PAX6: variants seen among roughly 807,000 people sequenced by gnomAD.
PAX6 encodes paired box 6, also known as paired box protein Pax-6.
PAX6 carries 7 observed loss-of-function variants against 60.7 expected under a neutral mutation model. That is an observed-to-expected ratio of 0.12 (90% CI 0.07 to 0.22). The LOEUF (loss-of-function observed/expected upper bound fraction) is 0.22. Among genes scored for constraint, PAX6 ranks in the 10% least tolerant of loss-of-function variants. The pLI, the probability that PAX6 is intolerant of heterozygous loss-of-function variation, is 1.00. For synonymous variants in PAX6, 208 were observed against 201.2 expected, an observed-to-expected ratio of 1.03 and a Z score of -0.29; for missense variants, 355 against 555.2, an observed-to-expected ratio of 0.64 and a Z score of 3.62.
chr11:31,799,180 A>C (rs1952704011), intron 8 of PAX6, among the ~76,000 whole-genome samples: 1 of 152,036 alleles, frequency 6.6e-6, no homozygotes, highest in Admixed American at 6.5e-5. Context: ...AAAGTCAGGC[A>C]GGGATGGGGT....
At chr11:31,799,694 T>A (rs185693078) in intron 8 of PAX6, among the ~76,000 whole-genome samples, 10 of 152,208 alleles carry the variant, frequency 6.6e-5, no homozygotes, top group African/African-American at 2.4e-4. Flanking sequence ...GCGCCGGGCA[T>A]CCGGAGCCGG....
At chr11:31,796,448 T>G (rs1257315907) in intron 8 of PAX6, among the ~76,000 whole-genome samples, 1 of 130,356 alleles carries the variant, frequency 7.7e-6, no homozygotes, top group East Asian at 2.5e-4. Flanking sequence ...GGCGCCTCCG[T>G]GCTATTTAGG....
At chr11:31,798,031 A>G (rs1952215851) in intron 8 of PAX6, among the ~76,000 whole-genome samples, 1 of 152,114 alleles carries the variant, frequency 6.6e-6, no homozygotes, top group South Asian at 2.1e-4. Context: ...GCTGGGAAAT[A>G]AAATCATTCC....
In PAX6 at chr11:31,789,495, G is replaced by A. The variant is rs1006460882; in HGVS notation, c.*439C>T. 3.5e-6 allele frequency: 2 copies of A among 565,434 alleles called. No homozygotes were observed. Among genetic ancestry groups the A allele is most frequent in the Non-Finnish European group, 3.1e-6 (1 of 322,754 alleles). The allele number at this position is 565,434 out of a possible 1,614,324, so 35.0% of individuals were successfully genotyped here. A position where few individuals can be genotyped will look rare whatever the true frequency, so the allele number is the denominator to read the frequency against. On this transcript the variant is annotated 3_prime_UTR_variant, in exon 14 of 14. Transcript: ENST00000640368. Reference sequence around the variant, plus strand: ...CTTGGAACATCAGTCCATAAACTATGAACAGATGGGTAGAAGTATTCGATA... The same window carrying A: ...CTTGGAACATCAGTCCATAAACTATAAACAGATGGGTAGAAGTATTCGATA...
At chr11:31,817,949 A>G (rs1002633455), upstream of PAX6, 5 of 152,696 alleles carry the variant, frequency 3.3e-5, no homozygotes, top group Non-Finnish European at 7.3e-5. Flanking sequence ...TGTCAATGAT[A>G]AGAAAAGAGG....
chr11:31,793,441 C>T lies in PAX6; in HGVS notation c.1071G>A (p.Met357Ile). Residue 357 changes from methionine to isoleucine, a missense_variant, in exon 12 of 14, where the codon ATG becomes ATA. This residue lies in a region of PAX6 where 149 missense variants were observed against 191.9 expected (regional missense o/e 0.78). Coordinates refer to ENST00000640368, the MANE Select transcript of PAX6 (RefSeq NM_001368894.2). ...GGCCACCACCAGCCGCACTTACTTG[C>T]ATAGGCAGGTTATTTGCCATGGTGA... ...PSFTMANNLP[M>I]QPPVPSQTSS... The T allele has an allele frequency of 1.2e-6, 2 of 1,613,946 alleles. No individual in the cohort carries two copies. The highest frequency in any genetic ancestry group is 1.7e-6 in the Non-Finnish European group (2 of 1,179,794).
At position 31,798,092 on chromosome 11, in the gene PAX6, T is replaced by C. The variant is rs564243200; in HGVS notation, c.565+2599A>G. On this transcript the variant is annotated intron_variant, in intron 8 of 13. Transcript: ENST00000640368. ...GAGGCGGAAAACAAGCAAGAAAAGA[T>C]AGCAACCCGGTTGCGGCACCTTTTC... Among the ~76,000 whole-genome samples, 3 of 151,622 alleles carry C rather than the reference T, an allele frequency of 2.0e-5. No individual in the cohort carries two copies. The East Asian group carries it at 5.8e-4, about 30-fold the overall frequency.
intron 2 of PAX6, chr11:31,810,614 G>A (rs1282412289): frequency 8.5e-6 from 3 of 352,290 alleles, no homozygotes; most frequent in South Asian, 1.5e-4. Context: ...CGAGCCCTGC[G>A]CCGCTCCCGC....
In PAX6 at chr11:31,789,804, A is replaced by C; in HGVS notation, c.*130T>G. ...CTTCCCCAGTGGTACAATACAGGAC[A>C]CAATTGTAGAACTGAAGCGGCTCTA... On this transcript the variant is annotated 3_prime_UTR_variant, in exon 14 of 14. Transcript: ENST00000640368. The C allele has an allele frequency of 1.2e-6, 1 of 810,442 alleles. No individual in the cohort carries two copies. Among genetic ancestry groups the C allele is most frequent in the Non-Finnish European group, 2.1e-6 (1 of 473,470 alleles). The allele number at this position is 810,442 out of a possible 1,614,324, so 50.2% of individuals were successfully genotyped here. A position where few individuals can be genotyped will look rare whatever the true frequency, so the allele number is the denominator to read the frequency against.
intron 2 of PAX6, chr11:31,808,526 T>C (rs1956377852): frequency 6.6e-6 from 1 of 152,236 alleles, no homozygotes; most frequent in African/African-American, 2.4e-5. Context: ...GGTGGGGAGA[T>C]GGGGAATGGA....
At chr11:31,790,249 C>A in intron 13 of PAX6, 1 of 520,714 alleles carries the variant, frequency 1.9e-6, no homozygotes. Context: ...CCACCCCAAT[C>A]CAAAGGAAAA....
exon 1 of PAX6, chr11:31,817,906 C>A (rs1957453001): frequency 6.5e-6 from 1 of 152,706 alleles, no homozygotes; most frequent in Non-Finnish European, 1.5e-5. Context: ...CTGACAGCCG[C>A]GTTCTACGCG....
At chr11:31,793,379 G>A in intron 12 of PAX6, 59 bp downstream of exon 12, 2 of 1,440,654 alleles carry the variant, frequency 1.4e-6, no homozygotes, top group African/African-American at 1.4e-5. Flanking sequence ...CGCAGGCCCT[G>A]AGCCACTCCT....
chr11:31,812,721 A>AC (rs1206455284), upstream of PAX6: 2 of 152,102 alleles, frequency 1.3e-5, no homozygotes, highest in African/African-American at 2.4e-5. Context: ...TGCTGTACAC[A>AC]CCCCAGGACA....
chr11:31,790,002 C>G lies in PAX6; in HGVS notation c.1243G>C (p.Val415Leu). ...CCGGGAACTTGAACTGGAACTGACA[C>G]ACCAGGGGAAATGAGTCCTAGAAGT... ...TTSTGLISPG[V>L]SVPVQVPGSE... The change falls in exon 14 of 14, where the codon GTG becomes CTG. Residue 415 changes from valine to leucine, a missense_variant. Physicochemically the swap from Val to Leu is conservative, Grantham distance 32. This residue lies in a region of PAX6 where 149 missense variants were observed against 191.9 expected (regional missense o/e 0.78). Transcript: ENST00000640368. 1 of 1,589,772 alleles carries G rather than the reference C, an allele frequency of 6.3e-7. No homozygotes were observed. Among genetic ancestry groups the G allele is most frequent in the Non-Finnish European group, 8.5e-7 (1 of 1,175,718 alleles).
chr11:31,794,420 C>CCACACACACA (rs10525266), intron 9 of PAX6: 2 of 518,446 alleles, frequency 3.9e-6, no homozygotes, highest in Non-Finnish European at 6.8e-6. Flanking sequence ...CACACACACA[C>CCACACACACA]CACACACACA....
At chr11:31,800,571 C>T in intron 8 of PAX6, 120 bp downstream of exon 8, 2 of 1,199,804 alleles carry the variant, frequency 1.7e-6, no homozygotes, top group Non-Finnish European at 2.5e-6. Flanking sequence ...CCTTCAAATG[C>T]AGTCTCACCC....
At chr11:31,800,651 C>A (rs746701172) in intron 8 of PAX6, 40 bp downstream of exon 8, 1 of 1,610,830 alleles carries the variant, frequency 6.2e-7, no homozygotes, top group East Asian at 2.2e-5. Context: ...CAAAGGGATG[C>A]ACATATGGAG....
upstream of PAX6, chr11:31,811,540 G>T (rs1249535604): frequency 3.9e-6 from 1 of 254,272 alleles, no homozygotes; most frequent in Non-Finnish European, 7.5e-6. Context: ...GCATCTCCCC[G>T]CTCCGCGCAC....
Sources: gnomAD v4.1 joint callset for allele counts (sites outside exome capture counted in the v4.1 genomes callset) on GRCh38, gnomAD v4.1.1 for gene constraint, gnomAD v4.1.1 regional missense constraint, MANE v1.5 for transcripts, NCBI Gene and HGNC (gene_info 2026-07-23, HGNC 2026-07-21) for gene names.